The following PLCB1 variants were observed in gnomAD, a reference collection of about 807,000 sequenced individuals.
PLCB1 encodes phospholipase C beta 1.
PLCB1 carries 46 observed loss-of-function variants against 161.8 expected under a neutral mutation model. The ratio of observed to expected loss-of-function variants is 0.28; its 90% CI spans 0.22 to 0.36. The LOEUF (loss-of-function observed/expected upper bound fraction) is 0.36, where lower values mean the gene tolerates loss of function less well. Among genes scored for constraint, PLCB1 ranks in the 10% least tolerant of loss-of-function variants. The pLI, the probability that PLCB1 is intolerant of heterozygous loss-of-function variation, is 1.00. For missense variants in PLCB1, 1,016 were observed against 1,472.5 expected, an observed-to-expected ratio of 0.69 and a Z score of 5.07; for synonymous variants, 517 against 503.7, an observed-to-expected ratio of 1.03 and a Z score of -0.35.
At chr20:8,342,022 GT>G (rs1468348475) in intron 2 of PLCB1, among the ~76,000 whole-genome samples, 2 of 152,008 alleles carry the variant, frequency 1.3e-5, no homozygotes, top group African/African-American at 4.8e-5. Flanking sequence ...ATTAAGCTGT[GT>G]CCCCATGCTT....
At chr20:8,620,303 A>G (rs916302979) in intron 3 of PLCB1, among the ~76,000 whole-genome samples, 4 of 152,104 alleles carry the variant, frequency 2.6e-5, no homozygotes, top group African/African-American at 9.7e-5. Flanking sequence ...TGATTCATTT[A>G]TTTCCCATAA....
intron 2 of PLCB1, among the ~76,000 whole-genome samples, chr20:8,311,433 T>C (rs1265652956): frequency 1.3e-5 from 2 of 152,180 alleles, no homozygotes; most frequent in Non-Finnish European, 1.5e-5. Context: ...TCTGCATTCA[T>C]TTATAGTTTT....
chr20:8,676,083 C>G (rs1228244776), intron 9 of PLCB1, among the ~76,000 whole-genome samples: 3 of 152,220 alleles, frequency 2.0e-5, no homozygotes, highest in African/African-American at 7.2e-5. Context: ...TGAAAGCAGG[C>G]TACAGGCCGG....
chr20:8,371,429 G>C lies in PLCB1; in HGVS notation c.225G>C (p.Gly75=), dbSNP rs768425679. 1 of 1,613,652 alleles carries C rather than the reference G, an allele frequency of 6.2e-7. No homozygotes were observed. The highest frequency in any genetic ancestry group is 8.5e-7 in the Non-Finnish European group (1 of 1,179,676). The change falls in exon 3 of 32, where the codon GGG becomes GGC. Residue 75 remains glycine (G), a synonymous_variant. Coordinates refer to ENST00000338037, the MANE Select transcript of PLCB1 (RefSeq NM_015192.4). ...GCCTTGTCAAAGATGCCAGATGTGG[G>C]AGACACGCCAAAGCTCCCAAGGTAG... The part of the protein sequence containing the change: ...DLSLVKDARC[G]RHAKAPKDPK...
At chr20:8,723,078 G>T (rs887189239) in intron 15 of PLCB1, among the ~76,000 whole-genome samples, 1 of 152,142 alleles carries the variant, frequency 6.6e-6, no homozygotes, top group Non-Finnish European at 1.5e-5. Flanking sequence ...TGTTAGATAT[G>T]TTCTGTCTCA....
intron 16 of PLCB1, among the ~76,000 whole-genome samples, chr20:8,726,200 A>T (rs896957210): frequency 6.6e-6 from 1 of 152,170 alleles, no homozygotes; most frequent in African/African-American, 2.4e-5. Flanking sequence ...TGCTATACTT[A>T]TCTAAAATAC....
At chr20:8,828,184 A>C (rs753596921) in intron 31 of PLCB1, among the ~76,000 whole-genome samples, 3 of 152,136 alleles carry the variant, frequency 2.0e-5, no homozygotes, top group Admixed American at 6.5e-5. Context: ...AAAGCTCTGG[A>C]AACGTTGGCA....
intron 29 of PLCB1, among the ~76,000 whole-genome samples, 162 bp from the exon 30 acceptor site, chr20:8,789,356 G>A (rs1194862002): frequency 6.6e-6 from 1 of 152,184 alleles, no homozygotes; most frequent in Non-Finnish European, 1.5e-5. Context: ...TCTACCATGG[G>A]CAACAGAGCG....
At chr20:8,570,495 C>G (rs1986469024) in intron 3 of PLCB1, among the ~76,000 whole-genome samples, 1 of 152,124 alleles carries the variant, frequency 6.6e-6, no homozygotes, top group Non-Finnish European at 1.5e-5. Context: ...ACTGCACTTA[C>G]CACGCTGATT....
At chr20:8,556,656 GGTGTGTGTGTGT>G (rs58160557) in intron 3 of PLCB1, among the ~76,000 whole-genome samples, 2,826 of 141,802 alleles carry the variant, frequency 0.02, 77 homozygotes, top group African/African-American at 0.065. Flanking sequence ...GAGAGGGTTG[GGTGTGTGTGTGT>G]GTGTGTGTGT....
chr20:8,362,513 G>A (rs183843936), intron 2 of PLCB1, among the ~76,000 whole-genome samples: 52 of 152,226 alleles, frequency 3.4e-4, no homozygotes, highest in Middle Eastern at 3.4e-3. Flanking sequence ...TAATAAAGCC[G>A]TGGTGCTATA....
chr20:8,694,712 T>A (rs781145625), intron 10 of PLCB1, among the ~76,000 whole-genome samples: 4 of 152,218 alleles, frequency 2.6e-5, no homozygotes, highest in Non-Finnish European at 5.9e-5. Flanking sequence ...AACATTCAAC[T>A]AGTATTAATG....
At chr20:8,135,325 G>T (rs2051334494) in intron 1 of PLCB1, among the ~76,000 whole-genome samples, 2 of 152,156 alleles carry the variant, frequency 1.3e-5, no homozygotes, top group Admixed American at 1.3e-4. Context: ...ATTATCTCTT[G>T]TTCCTGAAGT....
intron 3 of PLCB1, among the ~76,000 whole-genome samples, chr20:8,446,530 TTC>T (rs1980837250): frequency 6.6e-6 from 1 of 152,178 alleles, no homozygotes; most frequent in African/African-American, 2.4e-5. Flanking sequence ...ACCACTCCTA[TTC>T]AACATAGTGT....
intron 11 of PLCB1, among the ~76,000 whole-genome samples, chr20:8,707,311 A>C (rs1302326108): frequency 3.3e-5 from 5 of 152,176 alleles, no homozygotes; most frequent in Non-Finnish European, 7.3e-5. Flanking sequence ...GAAGGTAGAG[A>C]CGATAGCAGA....
chr20:8,469,986 G>A (rs1190868636), intron 3 of PLCB1, among the ~76,000 whole-genome samples: 1 of 151,976 alleles, frequency 6.6e-6, no homozygotes, highest in Non-Finnish European at 1.5e-5. Context: ...TGTCTCCATG[G>A]ATTTGTCTCT....
intron 2 of PLCB1, among the ~76,000 whole-genome samples, chr20:8,258,717 C>G (rs893282794): frequency 6.6e-6 from 1 of 152,108 alleles, no homozygotes; most frequent in Non-Finnish European, 1.5e-5. Flanking sequence ...AACAAATACA[C>G]TAATTCTGTT....
chr20:8,364,622 CAT>C (rs572524336), intron 2 of PLCB1, among the ~76,000 whole-genome samples: 1 of 152,214 alleles, frequency 6.6e-6, no homozygotes, highest in Non-Finnish European at 1.5e-5. Context: ...AGCAGGGTGT[CAT>C]TCATTCATAA....
At chr20:8,511,288 T>C (rs763059060) in intron 3 of PLCB1, among the ~76,000 whole-genome samples, 20 of 152,344 alleles carry the variant, frequency 1.3e-4, no homozygotes, top group Non-Finnish European at 1.2e-4. Flanking sequence ...ATTCATGTTG[T>C]TGCAAATGAC....
Sources: allele counts gnomAD v4.1 joint callset (sites outside exome capture counted in the v4.1 genomes callset), GRCh38; gene constraint gnomAD v4.1.1; transcripts MANE v1.5; gene names NCBI Gene and HGNC (gene_info 2026-07-23, HGNC 2026-07-21).